Variants in TAB2 observed in about 807,000 individuals in gnomAD.
TAB2 encodes the protein TGF-beta activated kinase 1 (MAP3K7) binding protein 2, also known as TGF-beta-activated kinase 1 and MAP3K7-binding protein 2.
In TAB2, 3 loss-of-function variants were observed where a neutral mutation model predicts 65.0. The observed-to-expected ratio is 0.05, with a 90% CI of 0.02 to 0.12. The LOEUF is 0.12. TAB2 is among the 10% of genes least tolerant of loss of function. TAB2 has a pLI of 1.00. For synonymous variants in TAB2, 298 were observed against 285.1 expected (o/e 1.05, Z -0.46); for missense variants, 623 against 840.3 (o/e 0.74, Z 3.20).
At chr6:149,340,433 C>T (rs559784335) in intron 1 of TAB2, among the ~76,000 whole-genome samples, 2 of 152,220 alleles carry the variant, frequency 1.3e-5, no homozygotes, top group South Asian at 4.1e-4. Flanking sequence ...CTGGTTTTAA[C>T]TCTGCTGCTT....
chr6:149,382,597 GA>G (rs572956751), intron 3 of TAB2, among the ~76,000 whole-genome samples: 3,773 of 141,572 alleles, frequency 0.027, 129 homozygotes, highest in African/African-American at 0.088. Context: ...TTGTCTAAAG[GA>G]AAAAAAAAAA....
chr6:149,329,305 G>A (rs1414081885), intron 1 of TAB2, among the ~76,000 whole-genome samples: 1 of 148,478 alleles, frequency 6.7e-6, no homozygotes, highest in Non-Finnish European at 1.5e-5. Flanking sequence ...CTGATAATGG[G>A]GTAATTAAGA....
chr6:149,358,674 T>TGTGTG, intron 1 of TAB2, among the ~76,000 whole-genome samples: 1 of 13,338 alleles, frequency 7.5e-5, no homozygotes, highest in African/African-American at 1.4e-4. Flanking sequence ...GTGTGTGTGT[T>TGTGTG]TTCAGTATAT....
At chr6:149,225,348 G>A (rs1338642642) in intron 1 of TAB2, among the ~76,000 whole-genome samples, 1 of 150,336 alleles carries the variant, frequency 6.7e-6, no homozygotes, top group Admixed American at 6.6e-5. Flanking sequence ...TGACTAGCGG[G>A]GGAAAGAAAA....
At chr6:149,264,855 C>T (rs538489735) in intron 1 of TAB2, among the ~76,000 whole-genome samples, 89 of 152,356 alleles carry the variant, frequency 5.8e-4, no homozygotes, top group Non-Finnish European at 1.0e-3. Context: ...GCAGCACTGG[C>T]TTCAGAGAAG....
At chr6:149,335,483 T>G (rs1779907153) in intron 1 of TAB2, among the ~76,000 whole-genome samples, 1 of 152,016 alleles carries the variant, frequency 6.6e-6, no homozygotes, top group South Asian at 2.1e-4. Context: ...ACCTCCCACC[T>G]TAGCCTCCCA....
intron 4 of TAB2, 48 bp downstream of exon 4, chr6:149,397,812 G>T: frequency 6.2e-7 from 1 of 1,604,546 alleles, no homozygotes; most frequent in South Asian, 1.1e-5. Context: ...CATGAGAGTA[G>T]GCCATCTAAC....
At chr6:149,390,602 G>C (rs577219778) in intron 3 of TAB2, among the ~76,000 whole-genome samples, 4 of 152,182 alleles carry the variant, frequency 2.6e-5, no homozygotes, top group Non-Finnish European at 5.9e-5. Flanking sequence ...CATTGTTCGT[G>C]AGCTAACAAA....
At chr6:149,328,357 G>T (rs139273310) in intron 1 of TAB2, among the ~76,000 whole-genome samples, 12 of 152,224 alleles carry the variant, frequency 7.9e-5, no homozygotes, top group South Asian at 2.1e-4. Flanking sequence ...CAGTGGTGCA[G>T]TCTCAGCTCA....
At chr6:149,225,899 C>T (rs944575980) in intron 1 of TAB2, among the ~76,000 whole-genome samples, 3 of 151,712 alleles carry the variant, frequency 2.0e-5, no homozygotes, top group Non-Finnish European at 2.9e-5. Context: ...GCTAAGAATC[C>T]GAGATCAAAG....
chr6:149,384,249 T>A (rs1388586272), intron 3 of TAB2, among the ~76,000 whole-genome samples: 1 of 152,238 alleles, frequency 6.6e-6, no homozygotes, highest in African/African-American at 2.4e-5. Flanking sequence ...GTAACCAAAA[T>A]GCATTTTTTC....
chr6:149,257,361 G>A (rs1778059010), intron 1 of TAB2: 1 of 152,252 alleles, frequency 6.6e-6, no homozygotes, highest in Non-Finnish European at 1.5e-5. Flanking sequence ...TGGGAACCTG[G>A]GAACATGGTA....
intron 1 of TAB2, chr6:149,243,417 A>G: frequency 6.6e-6 from 1 of 152,266 alleles, no homozygotes; most frequent in Non-Finnish European, 1.5e-5. Flanking sequence ...TAGACTAGTC[A>G]GAAGTCTTGA....
intron 1 of TAB2, among the ~76,000 whole-genome samples, chr6:149,219,393 T>C (rs991159612): frequency 5.3e-5 from 8 of 152,010 alleles, no homozygotes; most frequent in Admixed American, 5.2e-4. Flanking sequence ...AACTAACAAC[T>C]GTATGTGTTA....
At chr6:149,314,475 T>C (rs1046884669), upstream of TAB2, among the ~76,000 whole-genome samples, 3 of 152,350 alleles carry the variant, frequency 2.0e-5, no homozygotes, top group South Asian at 6.2e-4. Flanking sequence ...TTCTGCTATG[T>C]GCATGTTTTC....
chr6:149,357,485 A>G (rs560436229), intron 1 of TAB2, among the ~76,000 whole-genome samples: 1 of 142,462 alleles, frequency 7.0e-6, no homozygotes, highest in African/African-American at 2.6e-5. Context: ...CTTGATGGAT[A>G]TAAAGTAATA....
chr6:149,309,871 T>G lies in TAB2; in HGVS notation c.-120-68147T>G, dbSNP rs1328346684. 3.3e-5 allele frequency among the ~76,000 whole-genome samples: 4 copies of G among 122,508 alleles called. No homozygotes were observed. The South Asian group carries it at 8.1e-4, about 25-fold the overall frequency. 80.4% of individuals were successfully genotyped at this position (122,508 alleles called of 152,430 possible). A position where few individuals can be genotyped will look rare whatever the true frequency, so the allele number is the denominator to read the frequency against. On this transcript the variant is annotated intron_variant, in intron 1 of 1. Coordinates refer to the TAB2 transcript ENST00000606202. Reference sequence around the variant, plus strand: ...CCCTTCCCAGGACACACTGTGTGTGTGTGTGGGTGTGGGTGTGTGTGTGTG... The same window carrying G: ...CCCTTCCCAGGACACACTGTGTGTGGGTGTGGGTGTGGGTGTGTGTGTGTG...
At chr6:149,240,075 G>T (rs1294921857) in intron 1 of TAB2, among the ~76,000 whole-genome samples, 1 of 152,196 alleles carries the variant, frequency 6.6e-6, no homozygotes, top group Non-Finnish European at 1.5e-5. Context: ...GAATGCCCAG[G>T]CTGCCCCTGC....
chr6:149,321,036 TAG>T (rs1779439181), intron 1 of TAB2: 1 of 152,262 alleles, frequency 6.6e-6, no homozygotes, highest in Non-Finnish European at 1.5e-5. Context: ...GATAAGATGC[TAG>T]CAGAGAATTA....
Sources: gnomAD v4.1 joint callset for allele counts (sites outside exome capture counted in the v4.1 genomes callset) on GRCh38, gnomAD v4.1.1 for gene constraint, MANE v1.5 for transcripts, NCBI Gene and HGNC (gene_info 2026-07-23, HGNC 2026-07-21) for gene names.